The following NOTCH1 variants were observed in gnomAD, a reference collection of about 807,000 sequenced individuals.
NOTCH1 encodes the protein notch receptor 1, also known as neurogenic locus notch homolog protein 1.
Under a neutral mutation model 254.8 loss-of-function variants are expected in NOTCH1, and 37 were observed. The observed-to-expected ratio is 0.15, with a 90% CI of 0.11 to 0.19. The LOEUF (loss-of-function observed/expected upper bound fraction) is 0.19. NOTCH1 is among the 10% of genes least tolerant of loss of function. The probability of loss-of-function intolerance (pLI) is 1.00; values close to 1 mark genes in which losing one functional copy is unlikely to be tolerated. For synonymous variants in NOTCH1, 1,731 were observed against 1,618.1 expected (o/e 1.07, Z -1.68); for missense variants, 2,972 against 3,708.6 (o/e 0.80, Z 5.16).
In NOTCH1 at chr9:136,505,318, G is replaced by T. The variant is rs1490663706; in HGVS notation, c.4578C>A (p.Gly1526=). ...FDGFDCQRAE[G]QCNPLYDQYC... is the part of the protein sequence containing the mutation. ...GAGCCCCGCAGCCTTACTTGCACTGGCCTTCCGCACGCTGGCAGTCAAAGC... is the reference window on the plus strand; with the variant it reads ...GAGCCCCGCAGCCTTACTTGCACTGTCCTTCCGCACGCTGGCAGTCAAAGC... Residue 1526 remains glycine, a synonymous_variant, in exon 25 of 34, where the codon GGC becomes GGA. Coordinates refer to ENST00000651671, the MANE Select transcript of NOTCH1 (RefSeq NM_017617.5). 1 of 1,575,202 alleles carries T rather than the reference G, an allele frequency of 6.3e-7. No individual in the cohort carries two copies.
At position 136,507,944 on chromosome 9, in the gene NOTCH1, G is replaced by A. The variant is rs1057524613; in HGVS notation, c.3510+11C>T. On this transcript the variant is annotated intron_variant, in intron 21 of 33. Coordinates refer to ENST00000651671, the MANE Select transcript of NOTCH1 (RefSeq NM_017617.5). ...GCCGGCCACAACCCTTACCCTAGGA[G>A]GGACCCCCACCTTGCAGGAGTAGCC... is the stretch of plus-strand genomic sequence containing the variant. 7 of 1,612,194 alleles carry A rather than the reference G, an allele frequency of 4.3e-6. No individual in the cohort carries two copies. The highest frequency in any genetic ancestry group is 5.9e-6 in the Non-Finnish European group (7 of 1,179,892).
intron 25 of NOTCH1, 77 bp from the exon 26 acceptor site, chr9:136,505,181 G>A: frequency 6.5e-7 from 1 of 1,538,754 alleles, no homozygotes; most frequent in South Asian, 1.2e-5. Context: ...CCAGCCCACT[G>A]GCCAGCCGCG....
intron 22 of NOTCH1, 53 bp from the exon 23 acceptor site, chr9:136,507,026 C>T (rs897975588): frequency 1.2e-4 from 187 of 1,579,914 alleles, no homozygotes; most frequent in Non-Finnish European, 1.5e-4. Context: ...CCGGCCCTGC[C>T]GTGCCGCGTG....
chr9:136,495,420 G>T lies in NOTCH1; in HGVS notation c.*651C>A, dbSNP rs937684960. ...AGAACACATTTTCACAAGCATGCTT[G>T]CAAGAAACCATCTAAAACACATGGC... On this transcript the variant is annotated 3_prime_UTR_variant, in exon 34 of 34. Transcript: ENST00000651671. The T allele has an allele frequency of 5.0e-6, 2 of 398,832 alleles. No homozygotes were observed. The highest frequency in any genetic ancestry group is 2.1e-5 in the African/African-American group (1 of 48,630). 24.7% of individuals were successfully genotyped at this position (398,832 alleles called of 1,614,324 possible). A position where few individuals can be genotyped will look rare whatever the true frequency, so the allele number is the denominator to read the frequency against.
At chr9:136,522,212 T>G (rs67460762) in intron 4 of NOTCH1, among the ~76,000 whole-genome samples, 3 of 152,216 alleles carry the variant, frequency 2.0e-5, no homozygotes, top group Admixed American at 1.3e-4. Context: ...CTCCTGACCT[T>G]GTGATCTGCC....
chr9:136,502,182 TG>T, intron 28 of NOTCH1, 89 bp downstream of exon 28: 1 of 1,284,190 alleles, frequency 7.8e-7, no homozygotes, highest in Non-Finnish European at 1.1e-6. Context: ...AGGTGGGCCC[TG>T]GGTCGGGAGG....
intron 18 of NOTCH1, 122 bp downstream of exon 18, chr9:136,509,611 C>T (rs1843145409): frequency 4.8e-6 from 4 of 827,984 alleles, no homozygotes; most frequent in South Asian, 2.8e-5. Context: ...GGACTCAATG[C>T]AGCCAGCGCT....
rs1842888721 is a variant in NOTCH1 at position 136,494,527 on chromosome 9, A to G, written c.*1544T>C. The stretch of plus-strand genomic sequence containing the variant: ...TCATCTACAGTTCCTCATGTAGATC[A>G]CTTTTAAAGTCTTTTTCTGTAAACT... On this transcript the variant is annotated 3_prime_UTR_variant, in exon 34 of 34. Transcript: ENST00000651671. 2 of 398,900 alleles carry G rather than the reference A, an allele frequency of 5.0e-6. No homozygotes were observed. Among genetic ancestry groups the G allele is most frequent in the Admixed American group, 8.8e-5 (2 of 22,726 alleles). The allele number at this position is 398,900 out of a possible 1,614,324, so 24.7% of individuals were successfully genotyped here.
At position 136,515,467 on chromosome 9, in the gene NOTCH1, C is replaced by A; in HGVS notation, c.1903+16G>T. 1 of 1,611,402 alleles carries A rather than the reference C, an allele frequency of 6.2e-7. No individual in the cohort carries two copies. On this transcript the variant is annotated intron_variant, in intron 11 of 33. Coordinates refer to ENST00000651671, the MANE Select transcript of NOTCH1 (RefSeq NM_017617.5). ...TGCCCACTGGCCCCCCGCCGGCCAC[C>A]CGCCTGGCCGGCCACCTGTGGTCCC...
At position 136,502,432 on chromosome 9, in the gene NOTCH1, C is replaced by A. The variant is rs760669267; in HGVS notation, c.5224G>T (p.Ala1742Ser). The A allele has an allele frequency of 8.5e-5, 136 of 1,608,258 alleles. No individual in the cohort carries two copies. Among genetic ancestry groups the A allele is most frequent in the Non-Finnish European group, 1.1e-4 (127 of 1,178,330 alleles). The change falls in exon 28 of 34, where the codon GCC (alanine) becomes TCC (serine). Residue 1742 changes from alanine to serine, a missense_variant. Physicochemically the swap from Ala to Ser is moderately conservative, Grantham distance 99. This residue lies in a region of NOTCH1 where 421 missense variants were observed against 604.4 expected (regional missense o/e 0.70). Transcript: ENST00000651671. ...ACGAAGAACAGAAGCACAAAGGCGG[C>A]CGCCGCCACGTACATGAAGTGCAGC... The part of the protein sequence containing the change: ...AQLHFMYVAA[A>S]AFVLLFFVGC...
At chr9:136,526,971 G>A (rs1471280338) in intron 2 of NOTCH1, among the ~76,000 whole-genome samples, 1 of 152,184 alleles carries the variant, frequency 6.6e-6, no homozygotes, top group African/African-American at 2.4e-5. Context: ...CCTGGGCATC[G>A]GACACCACAG....
intron 4 of NOTCH1, among the ~76,000 whole-genome samples, chr9:136,520,776 C>G (rs1042849379): frequency 6.6e-6 from 1 of 152,040 alleles, no homozygotes; most frequent in Non-Finnish European, 1.5e-5. Context: ...GAGTCCCGGT[C>G]CCACTCATGT....
Position 136,525,775 on chromosome 9 carries a change from T to G in NOTCH1, c.141-1796A>C, listed in dbSNP as rs572573637. Among the ~76,000 whole-genome samples the G allele has an allele frequency of 3.9e-4, 59 of 152,286 alleles. No individual in the cohort carries two copies. The East Asian group carries it at 0.011, about 27-fold the overall frequency. ...CTTACCCCGAGGGGCTTGTGGAGGC[T>G]GGGGGTGGGGGTTCCTGTGCGTTTC... On this transcript the variant is annotated intron_variant, in intron 2 of 33. Transcript: ENST00000651671.
rs1222875651 is a variant in NOTCH1, at chr9:136,535,460, T to TGGGTGG, written c.140+8563_140+8564insCCACCC. Among the ~76,000 whole-genome samples, 123 of 132,106 alleles carry TGGGTGG rather than the reference T, an allele frequency of 9.3e-4. 1 individual carries two copies. The highest frequency in any genetic ancestry group is 1.5e-3 in the Non-Finnish European group (97 of 62,704). The allele number at this position is 132,106 out of a possible 152,430, so 86.7% of individuals were successfully genotyped here. On this transcript the variant is annotated intron_variant, in intron 2 of 33. Coordinates refer to ENST00000651671, the MANE Select transcript of NOTCH1 (RefSeq NM_017617.5). ...CCTCCCAGGGGCAATGGGTGCAGGG[T>TGGGTGG]AGGCGGGGAGCACTCAGGATCCCTC...
In NOTCH1 at chr9:136,498,776, G is replaced by A. The variant is rs1352628952; in HGVS notation, c.6180+123C>T. 2.4e-5 allele frequency: 27 copies of A among 1,148,826 alleles called. No homozygotes were observed. The East Asian group carries it at 5.9e-4, about 25-fold the overall frequency. 71.2% of individuals were successfully genotyped at this position (1,148,826 alleles called of 1,614,324 possible). On this transcript the variant is annotated intron_variant, in intron 33 of 33. Transcript: ENST00000651671. The stretch of plus-strand genomic sequence containing the variant: ...TCATGCGGGTGGGGCCCACATGCGG[G>A]CCCAGCGACCCTCGAGACCCTGTGG...
rs764479625 is a variant in NOTCH1, at chr9:136,513,349, T to A, written c.2353+43A>T. The A allele has an allele frequency of 1.9e-6, 3 of 1,611,608 alleles. No individual in the cohort carries two copies. Among genetic ancestry groups the A allele is most frequent in the Non-Finnish European group, 2.5e-6 (3 of 1,179,840 alleles). On this transcript the variant is annotated intron_variant, in intron 14 of 33. Coordinates refer to ENST00000651671, the MANE Select transcript of NOTCH1 (RefSeq NM_017617.5). This position sits in a 1 kb window ranked among gnomAD's most constrained non-coding sequence, Gnocchi z 4.7. ...ATCCTGTGTCTCCAGCTCCCCAGAC[T>A]CGAGGGCGGCCCTCTGCACTGAGAA...
intron 3 of NOTCH1, 123 bp from the exon 4 acceptor site, chr9:136,523,311 TC>T (rs1224197099): frequency 6.9e-6 from 7 of 1,017,438 alleles, no homozygotes; most frequent in Non-Finnish European, 1.0e-5. Flanking sequence ...TCACATTTGA[TC>T]CTCAGGACCT....
chr9:136,509,712 C>T (rs748182290), intron 18 of NOTCH1, 21 bp downstream of exon 18: 5 of 1,607,490 alleles, frequency 3.1e-6, no homozygotes, highest in African/African-American at 1.3e-5. Context: ...CCTTCCACGG[C>T]CTCACTCGAG....
Position 136,513,209 on chromosome 9 carries a change from T to C in NOTCH1, c.2354-75A>G. On this transcript the variant is annotated intron_variant, in intron 14 of 33. Coordinates refer to ENST00000651671, the MANE Select transcript of NOTCH1 (RefSeq NM_017617.5). This position sits in a 1 kb window ranked among gnomAD's most constrained non-coding sequence, Gnocchi z 4.7. ...TGGCAGGGCCCCACAACAGCAGCCC[T>C]GGGCCTGCTCCCCACCCCAGGCCCC... is the stretch of plus-strand genomic sequence containing the variant. 6.9e-7 allele frequency: 1 copy of C among 1,444,296 alleles called. No homozygotes were observed. 89.5% of individuals were successfully genotyped at this position (1,444,296 alleles called of 1,614,324 possible). A position where few individuals can be genotyped will look rare whatever the true frequency, so the allele number is the denominator to read the frequency against.
Sources: allele counts gnomAD v4.1 joint callset (sites outside exome capture counted in the v4.1 genomes callset), GRCh38; gene constraint gnomAD v4.1.1; regional missense constraint gnomAD v4.1.1; non-coding constraint Gnocchi (gnomAD v3.1); transcripts MANE v1.5; gene names NCBI Gene and HGNC (gene_info 2026-07-23, HGNC 2026-07-21).